Variants in AHCYL2 observed in about 807,000 individuals in gnomAD.
AHCYL2 encodes the protein S-adenosylhomocysteine hydrolase-like protein 2.
A neutral mutation model predicts 81.4 loss-of-function variants in AHCYL2; 28 were observed. The observed-to-expected ratio is 0.34, with a 90% CI of 0.25 to 0.47. The LOEUF (loss-of-function observed/expected upper bound fraction) is 0.47, where lower values mean the gene tolerates loss of function less well. Ranked by LOEUF, AHCYL2 falls within the 20% of genes least tolerant of loss-of-function variation. The probability of loss-of-function intolerance (pLI) is 1.00; values close to 1 mark genes in which losing one functional copy is unlikely to be tolerated. For synonymous variants in AHCYL2, 272 were observed against 290.2 expected (o/e 0.94, Z 0.64); for missense variants, 551 against 785.1 (o/e 0.70, Z 3.56).
At chr7:129,250,697 T>C (rs1442920601) in intron 1 of AHCYL2, among the ~76,000 whole-genome samples, 9 of 152,194 alleles carry the variant, frequency 5.9e-5, no homozygotes, top group African/African-American at 2.2e-4. Flanking sequence ...TAATATATCC[T>C]TTATAATGTC....
intron 1 of AHCYL2, among the ~76,000 whole-genome samples, chr7:129,279,305 A>G (rs1364600581): frequency 1.3e-5 from 2 of 151,860 alleles, no homozygotes; most frequent in African/African-American, 4.8e-5. Flanking sequence ...GCACGCCACA[A>G]GACCTGGCTA....
At chr7:129,289,384 G>GT (rs1380188425) in intron 1 of AHCYL2, among the ~76,000 whole-genome samples, 3 of 152,170 alleles carry the variant, frequency 2.0e-5, no homozygotes, top group African/African-American at 7.2e-5. Context: ...AAGCCACCTC[G>GT]TCCAACCTGT....
intron 1 of AHCYL2, among the ~76,000 whole-genome samples, chr7:129,272,849 A>G (rs1796067718): frequency 6.6e-6 from 1 of 152,198 alleles, no homozygotes; most frequent in South Asian, 2.1e-4. Context: ...TGGTTGTGTT[A>G]TTATAGAAAA....
chr7:129,303,922 T>C (rs1797337155), intron 1 of AHCYL2, among the ~76,000 whole-genome samples: 1 of 151,982 alleles, frequency 6.6e-6, no homozygotes, highest in South Asian at 2.1e-4. Context: ...CTGTCTCTAC[T>C]AAAAATACAA....
chr7:129,404,800 C>T (rs1191804702), intron 7 of AHCYL2, among the ~76,000 whole-genome samples: 1 of 152,202 alleles, frequency 6.6e-6, no homozygotes, highest in East Asian at 1.9e-4. Flanking sequence ...AATTTTTCAA[C>T]CTTCAACCCG....
chr7:129,361,976 G>T (rs1278066684), intron 1 of AHCYL2, among the ~76,000 whole-genome samples: 1 of 152,044 alleles, frequency 6.6e-6, no homozygotes, highest in African/African-American at 2.4e-5. Context: ...AGAAAACTGA[G>T]GCACAAAAAG....
At chr7:129,412,400 CCTGCCAAGTAG>C (rs1366593264) in intron 11 of AHCYL2, among the ~76,000 whole-genome samples, 1 of 151,642 alleles carries the variant, frequency 6.6e-6, no homozygotes, top group Non-Finnish European at 1.5e-5. Flanking sequence ...CCTGCCTCAG[CCTGCCAAGTAG>C]CTGGGACTAC....
intron 1 of AHCYL2, among the ~76,000 whole-genome samples, chr7:129,249,657 C>G (rs1191145439): frequency 6.6e-6 from 1 of 151,350 alleles, no homozygotes; most frequent in Non-Finnish European, 1.5e-5. Context: ...GATCTCCTGA[C>G]CTCATGATCC....
intron 1 of AHCYL2, among the ~76,000 whole-genome samples, chr7:129,340,525 G>A (rs936082114): frequency 1.6e-4 from 23 of 147,196 alleles, no homozygotes; most frequent in African/African-American, 3.0e-4. Flanking sequence ...CCGAGATCGC[G>A]CCACTGCACT....
Position 129,325,326 on chromosome 7 carries a change from C to T in AHCYL2, c.364-54312C>T, listed in dbSNP as rs79378752. On this transcript the variant is annotated intron_variant, in intron 1 of 16. Coordinates refer to ENST00000325006, the MANE Select transcript of AHCYL2 (RefSeq NM_015328.4). ...TTAGGTTAACAGGGTTTTTTCGTTT[C>T]GGTTTTTAAAGATGTTTCATTGCTT... Among the ~76,000 whole-genome samples, 488 of 152,172 alleles carry T rather than the reference C, an allele frequency of 3.2e-3. 3 individuals are homozygous for T. The highest frequency in any genetic ancestry group is 0.011 in the African/African-American group (459 of 41,538).
At chr7:129,370,756 A>G (rs535241376) in intron 1 of AHCYL2, among the ~76,000 whole-genome samples, 1 of 152,346 alleles carries the variant, frequency 6.6e-6, no homozygotes, top group South Asian at 2.1e-4. Flanking sequence ...TTCTGTTTTT[A>G]ATAAGGTATT....
chr7:129,256,065 C>T (rs1795409387), intron 1 of AHCYL2, among the ~76,000 whole-genome samples: 1 of 152,168 alleles, frequency 6.6e-6, no homozygotes, highest in Admixed American at 6.5e-5. Context: ...TGTGTAGACA[C>T]ATCCACTTTG....
At chr7:129,263,978 C>T (rs1199539164) in intron 1 of AHCYL2, among the ~76,000 whole-genome samples, 1 of 152,146 alleles carries the variant, frequency 6.6e-6, no homozygotes, top group African/African-American at 2.4e-5. Flanking sequence ...CATTCACCAA[C>T]ATAAGGGGTA....
At chr7:129,403,860 C>CAAAAAAAAAAAAAA (rs34806455) in intron 7 of AHCYL2, among the ~76,000 whole-genome samples, 10 of 80,214 alleles carry the variant, frequency 1.2e-4, no homozygotes, top group Admixed American at 4.4e-4. Flanking sequence ...GACTCCATCT[C>CAAAAAAAAAAAAAA]AAAAAAAAAA....
chr7:129,260,032 TGCCTTTGCCCTCCA>T (rs1160589019), intron 1 of AHCYL2, among the ~76,000 whole-genome samples: 1 of 149,878 alleles, frequency 6.7e-6, no homozygotes, highest in East Asian at 2.0e-4. Flanking sequence ...GCCGAGATCA[TGCCTTTGCCCTCCA>T]GCCTGGGCAA....
rs1047091520 is a variant in AHCYL2 at position 129,427,161 on chromosome 7, C to A, written c.*116C>A. On this transcript the variant is annotated 3_prime_UTR_variant, in exon 17 of 17. Transcript: ENST00000325006. This position sits in a 1 kb window ranked among gnomAD's most constrained non-coding sequence, Gnocchi z 5.5. ...TCCAATCAAAGCTGCCTGCCGTGCT[C>A]ACCCTGTGTGTTAGGTTATTTATTT... The A allele has an allele frequency of 7.1e-5, 77 of 1,080,392 alleles. 1 individual carries two copies. The South Asian group carries it at 7.3e-4, about 10-fold the overall frequency. The allele number at this position is 1,080,392 out of a possible 1,614,324, so 66.9% of individuals were successfully genotyped here. A position where few individuals can be genotyped will look rare whatever the true frequency, so the allele number is the denominator to read the frequency against.
At chr7:129,420,438 A>G (rs536646320) in intron 12 of AHCYL2, among the ~76,000 whole-genome samples, 3 of 150,602 alleles carry the variant, frequency 2.0e-5, no homozygotes, top group Admixed American at 1.3e-4. Context: ...TCTACTTTGT[A>G]TATCCTTAAC....
At chr7:129,402,107 CTT>C (rs1235938864) in intron 6 of AHCYL2, among the ~76,000 whole-genome samples, 1 of 152,176 alleles carries the variant, frequency 6.6e-6, no homozygotes, top group African/African-American at 2.4e-5. Context: ...TTCAATCTCT[CTT>C]GTCTCTTATC....
chr7:129,391,909 G>T (rs1795488031), intron 4 of AHCYL2, among the ~76,000 whole-genome samples: 1 of 152,166 alleles, frequency 6.6e-6, no homozygotes, highest in African/African-American at 2.4e-5. Context: ...CTGTTTTGGA[G>T]CTACAAACTA....
Sources: gnomAD v4.1 joint callset for allele counts (sites outside exome capture counted in the v4.1 genomes callset) on GRCh38, gnomAD v4.1.1 for gene constraint, Gnocchi (gnomAD v3.1) non-coding constraint, MANE v1.5 for transcripts, NCBI Gene and HGNC (gene_info 2026-07-23, HGNC 2026-07-21) for gene names.